NEDD4L: variants seen among roughly 807,000 people sequenced by gnomAD.
NEDD4L encodes the protein NEDD4 like E3 ubiquitin protein ligase.
Under a neutral mutation model 148.9 loss-of-function variants are expected in NEDD4L, and 54 were observed. The observed-to-expected ratio is 0.36, with a 90% confidence interval of 0.29 to 0.45. The LOEUF is 0.45. Ranked by LOEUF, NEDD4L falls within the 20% of genes least tolerant of loss-of-function variation. The probability of loss-of-function intolerance (pLI) is 1.00; values close to 1 mark genes in which losing one functional copy is unlikely to be tolerated. For missense variants in NEDD4L, 856 were observed against 1,233.8 expected (o/e 0.69, Z 4.59); for synonymous variants, 433 against 440.7 (o/e 0.98, Z 0.22).
chr18:58,045,531 C>T, intron 1 of NEDD4L: 1 of 161,166 alleles, frequency 6.2e-6, no homozygotes. Context: ...TTCTCTCTTC[C>T]GTGTCTCCCA....
At chr18:58,060,029 T>C (rs2144667541) in intron 1 of NEDD4L, among the ~76,000 whole-genome samples, 1 of 151,508 alleles carries the variant, frequency 6.6e-6, no homozygotes, top group Middle Eastern at 3.4e-3. Flanking sequence ...CAGAACTACT[T>C]AGTAAGTGGC....
At chr18:58,313,815 G>C (rs978978668) in intron 5 of NEDD4L, among the ~76,000 whole-genome samples, 1 of 152,236 alleles carries the variant, frequency 6.6e-6, no homozygotes, top group African/African-American at 2.4e-5. Context: ...TTAGAACTCA[G>C]ATGTCTCCCT....
chr18:58,098,576 A>G (rs1672472760), intron 1 of NEDD4L, among the ~76,000 whole-genome samples: 1 of 152,108 alleles, frequency 6.6e-6, no homozygotes, highest in Non-Finnish European at 1.5e-5. Context: ...CCTCATCCGT[A>G]TGATAGGAAT....
chr18:58,230,876 A>G (rs2045089168), intron 2 of NEDD4L, among the ~76,000 whole-genome samples: 3 of 152,216 alleles, frequency 2.0e-5, no homozygotes, highest in African/African-American at 7.2e-5. Context: ...TGGAAAAGAC[A>G]CACTAGCGTA....
At chr18:58,203,133 A>T (rs1046890632) in intron 2 of NEDD4L, among the ~76,000 whole-genome samples, 1 of 151,828 alleles carries the variant, frequency 6.6e-6, no homozygotes, top group African/African-American at 2.4e-5. Flanking sequence ...ACACCAACTA[A>T]TTTTTTTATT....
intron 1 of NEDD4L, among the ~76,000 whole-genome samples, chr18:58,074,284 A>G (rs1284145831): frequency 4.0e-5 from 6 of 150,058 alleles, no homozygotes; most frequent in Admixed American, 2.0e-4. Context: ...TTTTTAAGAC[A>G]GAGTCTCACT....
intron 1 of NEDD4L, among the ~76,000 whole-genome samples, chr18:58,155,656 C>T (rs1205148350): frequency 6.6e-6 from 1 of 152,174 alleles, no homozygotes; most frequent in Non-Finnish European, 1.5e-5. Flanking sequence ...GCATGTTTGT[C>T]TCCTAAATGT....
intron 1 of NEDD4L, among the ~76,000 whole-genome samples, chr18:58,121,291 T>C (rs1022759592): frequency 1.3e-5 from 2 of 152,190 alleles, no homozygotes; most frequent in Non-Finnish European, 1.5e-5. Flanking sequence ...AATTACTCTT[T>C]GGGGGCCCGG....
At chr18:58,260,980 A>G (rs1005474018) in intron 5 of NEDD4L, among the ~76,000 whole-genome samples, 2 of 152,210 alleles carry the variant, frequency 1.3e-5, no homozygotes, top group African/African-American at 4.8e-5. Flanking sequence ...GAAAGTGTCC[A>G]TGGAAGTACC....
At chr18:58,315,899 C>G (rs527841100) in intron 5 of NEDD4L, 83 bp from the exon 6 acceptor site, 160 of 1,219,342 alleles carry the variant, frequency 1.3e-4, no homozygotes, top group Non-Finnish European at 1.5e-4. Flanking sequence ...ACCTTTGTCT[C>G]TATTCATGAT....
chr18:58,399,612 CG>C lies in NEDD4L; in HGVS notation c.*3344del, dbSNP rs1418584444. The C allele has an allele frequency of 1.1e-4, 17 of 152,222 alleles. No homozygotes were observed. The highest frequency in any genetic ancestry group is 4.1e-4 in the African/African-American group (17 of 41,416). The allele number at this position is 152,222 out of a possible 1,614,324, so 9.4% of individuals were successfully genotyped here. A position where few individuals can be genotyped will look rare whatever the true frequency, so the allele number is the denominator to read the frequency against. On this transcript the variant is annotated 3_prime_UTR_variant, in exon 31 of 31. Coordinates refer to ENST00000400345, the MANE Select transcript of NEDD4L (RefSeq NM_001144967.3). ...AGCGATTCTTCTGCCTCAGCCTCCC[CG>C]AATAGTTGGGATTACAGGCACCCAC...
rs755945721 is a variant in NEDD4L at position 58,357,200 on chromosome 18, A to G, written c.1715A>G (p.Lys572Arg). Residue 572 changes from lysine (K) to arginine (R), a missense_variant, in exon 19 of 31, where the codon AAA (lysine) becomes AGA (arginine). By Grantham distance (26) the Lys-to-Arg change is conservative (BLOSUM62 2). Coordinates refer to ENST00000400345, the MANE Select transcript of NEDD4L (RefSeq NM_001144967.3). Reference protein sequence around the residue: ...GRTFYIDHNSKITQWEDPRLQ... With the variant: ...GRTFYIDHNSRITQWEDPRLQ... ...TTTTTTTTAACATTTTCAGATAGCAAAATTACTCAGTGGGAAGACCCAAGA... is the reference window on the plus strand; with the variant it reads ...TTTTTTTTAACATTTTCAGATAGCAGAATTACTCAGTGGGAAGACCCAAGA... 6 of 1,611,916 alleles carry G rather than the reference A, an allele frequency of 3.7e-6. No homozygotes were observed. The highest frequency in any genetic ancestry group is 4.2e-6 in the Non-Finnish European group (5 of 1,178,758).
intron 2 of NEDD4L, among the ~76,000 whole-genome samples, chr18:58,232,661 G>A (rs1404103034): frequency 1.3e-5 from 2 of 152,154 alleles, no homozygotes; most frequent in Non-Finnish European, 2.9e-5. Flanking sequence ...GTTGATTATA[G>A]TTTTTTCTTT....
intron 1 of NEDD4L, among the ~76,000 whole-genome samples, chr18:58,049,976 C>CAAAAAAA (rs34040455): frequency 1.1e-5 from 1 of 91,444 alleles, no homozygotes; most frequent in Non-Finnish European, 2.2e-5. Flanking sequence ...ACCCTGTCTC[C>CAAAAAAA]AAAAAAAAAA....
At chr18:58,349,461 C>G (rs2043589108) in intron 16 of NEDD4L, 76 bp from the exon 17 acceptor site, 3 of 1,258,548 alleles carry the variant, frequency 2.4e-6, no homozygotes, top group African/African-American at 1.5e-5. Flanking sequence ...ACAAACAGCT[C>G]AAGAAGAAAA....
chr18:58,222,674 G>GC (rs994101222), intron 2 of NEDD4L, among the ~76,000 whole-genome samples: 3 of 152,302 alleles, frequency 2.0e-5, no homozygotes, highest in African/African-American at 2.4e-5. Flanking sequence ...GTATTAATGA[G>GC]CCGGGTTACT....
intron 5 of NEDD4L, among the ~76,000 whole-genome samples, chr18:58,296,347 C>T (rs2055568330): frequency 1.3e-5 from 2 of 152,194 alleles, no homozygotes; most frequent in African/African-American, 4.8e-5. Context: ...CGGTCTTTGC[C>T]TATGACTGAG....
At chr18:58,061,060 G>A (rs1049854953) in intron 1 of NEDD4L, among the ~76,000 whole-genome samples, 1 of 152,046 alleles carries the variant, frequency 6.6e-6, no homozygotes, top group Non-Finnish European at 1.5e-5. Flanking sequence ...GTGCCCGGCC[G>A]CCTGGAGACA....
At chr18:58,126,182 A>G (rs999041113) in intron 1 of NEDD4L, among the ~76,000 whole-genome samples, 5 of 152,226 alleles carry the variant, frequency 3.3e-5, no homozygotes, top group Non-Finnish European at 5.9e-5. Context: ...GGGTGATGCA[A>G]TGCGGTGGCT....
Sources: allele counts gnomAD v4.1 joint callset (sites outside exome capture counted in the v4.1 genomes callset), GRCh38; gene constraint gnomAD v4.1.1; transcripts MANE v1.5; gene names NCBI Gene and HGNC (gene_info 2026-07-23, HGNC 2026-07-21).